Variants in SNX4 observed in about 807,000 individuals in gnomAD.
The protein encoded by SNX4 is sorting nexin-4.
SNX4 carries 49 observed loss-of-function variants against 70.8 expected under a neutral mutation model. The observed-to-expected ratio is 0.69, with a 90% CI of 0.55 to 0.88. SNX4 has a LOEUF of 0.88. SNX4 is among the 40% of genes least tolerant of loss of function. The probability of loss-of-function intolerance (pLI) is 0.00; values close to 1 mark genes in which losing one functional copy is unlikely to be tolerated. For synonymous variants in SNX4, 206 were observed against 183.8 expected (o/e 1.12, Z -0.98); for missense variants, 528 against 544.8 (o/e 0.97, Z 0.31).
chr3:125,504,565 A>T, intron 2 of SNX4, 58 bp downstream of exon 2: 1 of 1,520,502 alleles, frequency 6.6e-7, no homozygotes, highest in South Asian at 1.2e-5. Flanking sequence ...AGTCTGCATC[A>T]ATAGCTATCA....
At chr3:125,485,567 G>A (rs753273009) in intron 6 of SNX4, among the ~76,000 whole-genome samples, 30 of 152,032 alleles carry the variant, frequency 2.0e-4, no homozygotes, top group Non-Finnish European at 4.3e-4. Flanking sequence ...CAAAGTGCTG[G>A]GATTAGAGAC....
chr3:125,477,312 C>T (rs1490538254), intron 7 of SNX4, among the ~76,000 whole-genome samples: 1 of 152,174 alleles, frequency 6.6e-6, no homozygotes, highest in African/African-American at 2.4e-5. Flanking sequence ...TACTTCTATG[C>T]TACTTTGTCA....
chr3:125,460,348 C>T (rs536662032), intron 10 of SNX4, among the ~76,000 whole-genome samples: 2 of 152,262 alleles, frequency 1.3e-5, no homozygotes, highest in African/African-American at 4.8e-5. Flanking sequence ...CCCTTTGGCT[C>T]TGTAAAAGAT....
At chr3:125,501,644 C>T (rs1335140203) in intron 2 of SNX4, among the ~76,000 whole-genome samples, 1 of 151,884 alleles carries the variant, frequency 6.6e-6, no homozygotes, top group African/African-American at 2.4e-5. Context: ...AGGTCCATCG[C>T]CCATCTGTAC....
At chr3:125,500,786 C>A (rs1185861136) in intron 2 of SNX4, among the ~76,000 whole-genome samples, 2 of 96,444 alleles carry the variant, frequency 2.1e-5, no homozygotes, top group African/African-American at 8.8e-5. Context: ...GGCGACAGAG[C>A]AAGACTCCGT....
chr3:125,493,764 G>C (rs558202291), intron 5 of SNX4, among the ~76,000 whole-genome samples: 3 of 151,996 alleles, frequency 2.0e-5, no homozygotes, highest in South Asian at 2.1e-4. Flanking sequence ...GGCAACAGTG[G>C]CTCACGCCTG....
At chr3:125,488,947 G>A (rs1454324190) in intron 6 of SNX4, among the ~76,000 whole-genome samples, 8 of 152,128 alleles carry the variant, frequency 5.3e-5, no homozygotes, top group Non-Finnish European at 2.9e-5. Context: ...CTTTTAATAT[G>A]GAAATGCTCT....
At chr3:125,504,967 G>A (rs1404795784) in intron 1 of SNX4, among the ~76,000 whole-genome samples, 1 of 152,112 alleles carries the variant, frequency 6.6e-6, no homozygotes, top group Non-Finnish European at 1.5e-5. Context: ...AGTTATGTAT[G>A]TATTTATTTT....
chr3:125,465,524 C>A (rs1351993577), intron 9 of SNX4, among the ~76,000 whole-genome samples: 2 of 152,092 alleles, frequency 1.3e-5, no homozygotes, highest in Admixed American at 1.3e-4. Context: ...GCTGGGATTA[C>A]AGGTGTGATA....
At chr3:125,514,619 C>G (rs1335979979) in intron 1 of SNX4, among the ~76,000 whole-genome samples, 2 of 152,076 alleles carry the variant, frequency 1.3e-5, no homozygotes, top group East Asian at 3.9e-4. Context: ...CTCAAACTCC[C>G]GACCTCAGGT....
chr3:125,493,181 T>C (rs529407779), intron 5 of SNX4, among the ~76,000 whole-genome samples: 1 of 152,242 alleles, frequency 6.6e-6, no homozygotes, highest in African/African-American at 2.4e-5. Context: ...ACTCCTGGGC[T>C]AAAGTGATCC....
intron 1 of SNX4, among the ~76,000 whole-genome samples, chr3:125,506,681 G>A (rs1032886772): frequency 6.6e-6 from 1 of 151,012 alleles, no homozygotes; most frequent in Non-Finnish European, 1.5e-5. Context: ...TGAAGTCCTG[G>A]GCTCAAATGA....
At chr3:125,515,841 G>A (rs1485207689) in intron 1 of SNX4, among the ~76,000 whole-genome samples, 1 of 152,116 alleles carries the variant, frequency 6.6e-6, no homozygotes, top group Non-Finnish European at 1.5e-5. Flanking sequence ...GAGCCCAGGA[G>A]TTTGAGACCA....
At chr3:125,469,570 T>C (rs541654068) in intron 8 of SNX4, 51 bp from the exon 9 acceptor site, 19 of 1,184,332 alleles carry the variant, frequency 1.6e-5, no homozygotes, top group Non-Finnish European at 2.4e-5. Context: ...AGATATGGAA[T>C]AGTATTAAAT....
At chr3:125,479,357 G>C (rs1579990067) in intron 7 of SNX4, among the ~76,000 whole-genome samples, 1 of 151,982 alleles carries the variant, frequency 6.6e-6, no homozygotes, top group Non-Finnish European at 1.5e-5. Context: ...AGGAGTTCGA[G>C]ACCAGCCTCG....
chr3:125,498,089 A>G lies in SNX4; in HGVS notation c.369T>C (p.His123=), dbSNP rs757312275. The change falls in exon 3 of 14, where the codon CAT becomes CAC. Residue 123 remains histidine, a synonymous_variant. Coordinates refer to ENST00000251775, the MANE Select transcript of SNX4 (RefSeq NM_003794.4). ...TTTCTGGCAGAGGTGGCACAACAAT[A>G]TGTGGATAGTAAACTAAAAGGTAGC... ...LRSYLLVYYP[H]IVVPPLPEKR... 1 of 1,614,212 alleles carries G rather than the reference A, an allele frequency of 6.2e-7. No homozygotes were observed. The highest frequency in any genetic ancestry group is 8.5e-7 in the Non-Finnish European group (1 of 1,180,024).
intron 5 of SNX4, 108 bp downstream of exon 5, chr3:125,497,233 C>T (rs970610718): frequency 6.1e-5 from 39 of 637,440 alleles, no homozygotes; most frequent in Non-Finnish European, 9.3e-5. Flanking sequence ...TATTGTAAGA[C>T]GATTTCCAAC....
At chr3:125,483,724 C>G (rs1312250470) in intron 6 of SNX4, among the ~76,000 whole-genome samples, 2 of 152,074 alleles carry the variant, frequency 1.3e-5, no homozygotes, top group African/African-American at 4.8e-5. Context: ...GGGACAGAGA[C>G]AGATGTGCAC....
chr3:125,447,881 C>A lies in SNX4; in HGVS notation c.1306-55G>T, dbSNP rs2107836386. On this transcript the variant is annotated intron_variant, in intron 13 of 13. Transcript: ENST00000251775. ...TGAGTTTGGAAGGAATCTGAAAACC[C>A]AAGTACTTGGCTTAGTGGTACACTA... 3.3e-6 allele frequency: 4 copies of A among 1,203,688 alleles called. No homozygotes were observed. The South Asian group carries it at 5.5e-5, about 17-fold the overall frequency. The allele number at this position is 1,203,688 out of a possible 1,614,324, so 74.6% of individuals were successfully genotyped here.
Sources: gnomAD v4.1 joint callset for allele counts (sites outside exome capture counted in the v4.1 genomes callset) on GRCh38, gnomAD v4.1.1 for gene constraint, MANE v1.5 for transcripts, NCBI Gene and HGNC (gene_info 2026-07-23, HGNC 2026-07-21) for gene names.